Variants in BRDT observed in about 807,000 individuals in gnomAD.
BRDT encodes bromodomain testis associated, also known as bromodomain testis-specific protein.
In BRDT, 77 loss-of-function variants were observed where a neutral mutation model predicts 113.9. The ratio of observed to expected loss-of-function variants is 0.68; its 90% CI spans 0.56 to 0.82. BRDT has a LOEUF of 0.82. Among genes scored for constraint, BRDT ranks in the 40% least tolerant of loss-of-function variants. The pLI is 0.00. For missense variants in BRDT, 1,027 were observed against 1,105.4 expected (o/e 0.93, Z 1.01); for synonymous variants, 358 against 366.5 (o/e 0.98, Z 0.26).
intron 4 of BRDT, among the ~76,000 whole-genome samples, chr1:91,972,753 A>G (rs531452481): frequency 6.6e-6 from 1 of 152,330 alleles, no homozygotes; most frequent in East Asian, 1.9e-4. Flanking sequence ...TCAAAGAGCA[A>G]CAGTTGGAAT....
At chr1:91,968,759 A>G (rs1683322246) in intron 4 of BRDT, among the ~76,000 whole-genome samples, 1 of 152,182 alleles carries the variant, frequency 6.6e-6, no homozygotes, top group Admixed American at 6.6e-5. Flanking sequence ...TGGTGTTTCA[A>G]AAATCTTAAA....
intron 1 of BRDT, among the ~76,000 whole-genome samples, chr1:91,958,723 A>G (rs1168075588): frequency 6.6e-6 from 1 of 152,142 alleles, no homozygotes; most frequent in Non-Finnish European, 1.5e-5. Flanking sequence ...TCTGTAGCCA[A>G]AGATACCAGT....
chr1:91,955,927 TAC>T (rs575614681), intron 1 of BRDT, among the ~76,000 whole-genome samples: 170 of 152,350 alleles, frequency 1.1e-3, no homozygotes, highest in African/African-American at 4.0e-3. Flanking sequence ...GGCCCTCAAT[TAC>T]AGTGTATTTA....
At position 92,005,273 on chromosome 1, in the gene BRDT, G is replaced by C. The variant is rs747625006; in HGVS notation, c.2749G>C (p.Glu917Gln). The C allele has an allele frequency of 1.9e-6, 3 of 1,567,050 alleles. No individual in the cohort carries two copies. In the South Asian group the frequency reaches 3.6e-5, roughly 19 times the overall value. Residue 917 changes from glutamate (E) to glutamine (Q), a missense_variant, in exon 18 of 19, where the codon GAA (glutamate) becomes CAA (glutamine). Physicochemically the swap from Glu to Gln is conservative, Grantham distance 29 (BLOSUM62 2). Transcript: ENST00000399546. The part of the protein sequence containing the change: ...LKDRDLARQK[E>Q]QERRRREAMV... ...AGACCGTGATTTAGCAAGGCAGAAAGAACAAGAGAGGAGGAGGAGAGAAGC... is the reference window on the plus strand; with the variant it reads ...AGACCGTGATTTAGCAAGGCAGAAACAACAAGAGAGGAGGAGGAGAGAAGC...
intron 18 of BRDT, among the ~76,000 whole-genome samples, chr1:92,011,389 C>A (rs1687783332): frequency 6.6e-6 from 1 of 152,108 alleles, no homozygotes; most frequent in Non-Finnish European, 1.5e-5. Flanking sequence ...TTAATGAACT[C>A]AATTTTAAAT....
chr1:91,990,900 C>T (rs1046351454), intron 12 of BRDT, among the ~76,000 whole-genome samples: 50 of 152,244 alleles, frequency 3.3e-4, no homozygotes, highest in African/African-American at 1.2e-3. Flanking sequence ...CAGGTTTAAG[C>T]AATTCTCCTG....
chr1:91,994,744 T>G (rs2101756026), intron 15 of BRDT, among the ~76,000 whole-genome samples: 3 of 150,006 alleles, frequency 2.0e-5, no homozygotes, highest in Middle Eastern at 6.9e-3. Flanking sequence ...GGCGGGCGCC[T>G]GTAGTCCCAG....
chr1:91,973,203 A>G (rs1188027670), intron 4 of BRDT, among the ~76,000 whole-genome samples: 5 of 152,212 alleles, frequency 3.3e-5, no homozygotes, highest in Non-Finnish European at 7.3e-5. Context: ...TGAAGTTTGA[A>G]GTGAGGTAGT....
chr1:91,950,644 G>C (rs1680947238), intron 1 of BRDT: 1 of 146,938 alleles, frequency 6.8e-6, no homozygotes, highest in Non-Finnish European at 1.5e-5. Context: ...CAAAGGCATG[G>C]ATGTATGTAC....
At chr1:91,950,071 C>A (rs1476374718) in intron 1 of BRDT, 1 of 152,236 alleles carries the variant, frequency 6.6e-6, no homozygotes, top group East Asian at 1.9e-4. Context: ...CTTTATTAAG[C>A]CCCTGGAACG....
intron 8 of BRDT, 27 bp from the exon 9 acceptor site, chr1:91,980,616 G>A: frequency 1.4e-6 from 2 of 1,389,460 alleles, no homozygotes; most frequent in African/African-American, 1.5e-5. Context: ...AGACATGAAT[G>A]TTTACAGATT....
In BRDT at chr1:91,987,120, A is replaced by G. The variant is rs143965353; in HGVS notation, c.2003-4064A>G. 2.9e-3 allele frequency among the ~76,000 whole-genome samples: 437 copies of G among 152,072 alleles called. 1 individual carries two copies. Among genetic ancestry groups the G allele is most frequent in the African/African-American group, 0.01 (422 of 41,510 alleles). ...TTTTTAGTAGAGAGTGGGTTTCCCC[A>G]TGTTGGCCAGGCTGGTCTTGAACTC... On this transcript the variant is annotated intron_variant, in intron 12 of 18. Coordinates refer to ENST00000399546, the MANE Select transcript of BRDT (RefSeq NM_207189.4).
At chr1:92,011,725 G>A (rs1469438005) in intron 18 of BRDT, among the ~76,000 whole-genome samples, 2 of 152,168 alleles carry the variant, frequency 1.3e-5, no homozygotes, top group African/African-American at 2.4e-5. Context: ...GGAACCCACT[G>A]AAAGCTGACT....
At chr1:91,952,891 A>T (rs1260183953) in intron 1 of BRDT, among the ~76,000 whole-genome samples, 2 of 151,986 alleles carry the variant, frequency 1.3e-5, no homozygotes, top group Non-Finnish European at 2.9e-5. Context: ...TCATCCTTAG[A>T]CTGAAGGGAG....
intron 18 of BRDT, among the ~76,000 whole-genome samples, chr1:92,008,610 T>C (rs1687540775): frequency 6.6e-6 from 1 of 152,228 alleles, no homozygotes; most frequent in African/African-American, 2.4e-5. Flanking sequence ...TCAGCCATTA[T>C]AGTTCCTTAC....
intron 4 of BRDT, among the ~76,000 whole-genome samples, chr1:91,971,187 A>G (rs1267974862): frequency 6.6e-6 from 1 of 151,854 alleles, no homozygotes; most frequent in African/African-American, 2.4e-5. Flanking sequence ...TACGTCAAGG[A>G]CGGCACCAAG....
chr1:91,982,651 A>G (rs1259976905), intron 12 of BRDT, among the ~76,000 whole-genome samples: 1 of 152,210 alleles, frequency 6.6e-6, no homozygotes, highest in Non-Finnish European at 1.5e-5. Flanking sequence ...TCAGTGTGGT[A>G]GTATGGTCTG....
chr1:91,964,756 T>A lies in BRDT; in HGVS notation c.322T>A (p.Tyr108Asn). ...TACAATGTTCTCAAATTGTTATTTA[T>A]ATAACAAGGTATGTAAGCCTTATGT... ...FNTMFSNCYL[Y>N]NKPGDDIVLM... Residue 108 changes from tyrosine to asparagine, a missense_variant, in exon 3 of 19, where the codon TAT (tyrosine) becomes AAT (asparagine). Tyr to Asn is a moderately radical substitution (Grantham distance 143). Transcript: ENST00000399546. 6.8e-7 allele frequency: 1 copy of A among 1,480,684 alleles called. No individual in the cohort carries two copies. The highest frequency in any genetic ancestry group is 1.4e-5 in the South Asian group (1 of 70,384). 91.7% of individuals were successfully genotyped at this position (1,480,684 alleles called of 1,614,324 possible).
intron 1 of BRDT, among the ~76,000 whole-genome samples, chr1:91,959,430 T>C (rs1682178530): frequency 6.6e-6 from 1 of 151,118 alleles, no homozygotes; most frequent in South Asian, 2.1e-4. Context: ...TTTTTTTTTT[T>C]TTTTTTATTT....
Sources: gnomAD v4.1 joint callset for allele counts (sites outside exome capture counted in the v4.1 genomes callset) on GRCh38, gnomAD v4.1.1 for gene constraint, MANE v1.5 for transcripts, NCBI Gene and HGNC (gene_info 2026-07-23, HGNC 2026-07-21) for gene names.